Variants in MSRB3 observed in about 807,000 individuals in gnomAD.
MSRB3 encodes the protein methionine sulfoxide reductase B3, also known as methionine-R-sulfoxide reductase B3.
Under a neutral mutation model 21.0 loss-of-function variants are expected in MSRB3, and 13 were observed. The observed-to-expected ratio is 0.62, with a 90% confidence interval of 0.40 to 0.98. The LOEUF (loss-of-function observed/expected upper bound fraction) is 0.98, where lower values mean the gene tolerates loss of function less well. Among genes scored for constraint, MSRB3 ranks in the 50% least tolerant of loss-of-function variants. The pLI is 0.00. For synonymous variants in MSRB3, 87 were observed against 88.6 expected (o/e 0.98, Z 0.10); for missense variants, 199 against 230.3 (o/e 0.86, Z 0.88).
chr12:65,321,461 C>G (rs578181656), intron 2 of MSRB3, among the ~76,000 whole-genome samples: 1 of 152,160 alleles, frequency 6.6e-6, no homozygotes, highest in South Asian at 2.1e-4. Flanking sequence ...TTGTGGAAAC[C>G]AGAGGACTGA....
intron 5 of MSRB3, among the ~76,000 whole-genome samples, chr12:65,450,659 G>A (rs1286077686): frequency 6.6e-6 from 1 of 152,142 alleles, no homozygotes; most frequent in Non-Finnish European, 1.5e-5. Flanking sequence ...GAGGATGGAT[G>A]ATCTTTCTTT....
At chr12:65,375,870 G>T (rs1878584111) in intron 5 of MSRB3, among the ~76,000 whole-genome samples, 1 of 150,268 alleles carries the variant, frequency 6.7e-6, no homozygotes. Flanking sequence ...TTATTGTTTG[G>T]TAGTCAAAGA....
At chr12:65,348,737 T>A (rs1876710649) in intron 4 of MSRB3, among the ~76,000 whole-genome samples, 1 of 152,190 alleles carries the variant, frequency 6.6e-6, no homozygotes, top group African/African-American at 2.4e-5. Flanking sequence ...GCTATAAATT[T>A]CCCCCTACAC....
intron 1 of MSRB3, among the ~76,000 whole-genome samples, chr12:65,292,951 T>A (rs924777330): frequency 1.3e-5 from 2 of 152,076 alleles, no homozygotes; most frequent in East Asian, 3.9e-4. Flanking sequence ...ATAAATAAGA[T>A]TGTCTAAGAA....
chr12:65,431,852 C>T (rs1881893422), intron 5 of MSRB3, among the ~76,000 whole-genome samples: 1 of 152,030 alleles, frequency 6.6e-6, no homozygotes, highest in Non-Finnish European at 1.5e-5. Flanking sequence ...GCTGAGTATG[C>T]ACAGAAGAGA....
At chr12:65,348,756 C>T (rs932677196) in intron 4 of MSRB3, among the ~76,000 whole-genome samples, 12 of 152,042 alleles carry the variant, frequency 7.9e-5, no homozygotes, top group East Asian at 5.8e-4. Flanking sequence ...ACACGGCTTT[C>T]GATGTGTCCC....
intron 5 of MSRB3, among the ~76,000 whole-genome samples, chr12:65,376,137 T>C (rs75353700): frequency 6.6e-6 from 1 of 150,812 alleles, no homozygotes; most frequent in African/African-American, 2.4e-5. Context: ...TTTTTTTTTT[T>C]GAGACGGAGT....
intron 5 of MSRB3, among the ~76,000 whole-genome samples, chr12:65,402,502 T>C (rs1880186549): frequency 6.6e-6 from 1 of 152,208 alleles, no homozygotes; most frequent in African/African-American, 2.4e-5. Context: ...TTATTCTAGT[T>C]AGCATTTCCT....
chr12:65,321,827 A>G (rs1174695480), intron 2 of MSRB3, among the ~76,000 whole-genome samples: 1 of 152,192 alleles, frequency 6.6e-6, no homozygotes, highest in Admixed American at 6.5e-5. Context: ...TTTACAGTGA[A>G]AAATAAAGTA....
intron 5 of MSRB3, among the ~76,000 whole-genome samples, chr12:65,396,704 A>AAAAAGAAAGAAAG (rs1383726558): frequency 2.4e-4 from 13 of 54,142 alleles, no homozygotes; most frequent in African/African-American, 8.7e-4. Context: ...AAAAAAAAAA[A>AAAAAGAAAGAAAG]AAAGAAAGAA....
chr12:65,333,975 A>G (rs1875598215), intron 4 of MSRB3, among the ~76,000 whole-genome samples: 1 of 152,236 alleles, frequency 6.6e-6, no homozygotes, highest in Admixed American at 6.5e-5. Context: ...ACAGTGCACA[A>G]GATAGATTCT....
chr12:65,415,662 T>C (rs1880931547), intron 5 of MSRB3, among the ~76,000 whole-genome samples: 1 of 152,182 alleles, frequency 6.6e-6, no homozygotes, highest in South Asian at 2.1e-4. Flanking sequence ...GGAATAAGCA[T>C]TTGTTGAACT....
chr12:65,314,060 A>T (rs1874148818), intron 2 of MSRB3, among the ~76,000 whole-genome samples: 1 of 152,190 alleles, frequency 6.6e-6, no homozygotes, highest in Admixed American at 6.5e-5. Context: ...TTATGTTCAA[A>T]CAATATTTGT....
At chr12:65,365,996 C>T (rs1020164838) in intron 4 of MSRB3, among the ~76,000 whole-genome samples, 4 of 152,012 alleles carry the variant, frequency 2.6e-5, no homozygotes, top group African/African-American at 9.7e-5. Flanking sequence ...TTCATTTCTG[C>T]CAGAGGCTCT....
intron 4 of MSRB3, among the ~76,000 whole-genome samples, chr12:65,347,909 C>G (rs910741671): frequency 2.6e-5 from 4 of 152,178 alleles, no homozygotes; most frequent in African/African-American, 9.7e-5. Context: ...GTATGTTGAA[C>G]CAGCCTTGTA....
intron 4 of MSRB3, among the ~76,000 whole-genome samples, chr12:65,350,499 G>A (rs995750365): frequency 6.6e-6 from 1 of 151,336 alleles, no homozygotes; most frequent in Non-Finnish European, 1.5e-5. Flanking sequence ...ATGCTCCAAT[G>A]AAAAGACACA....
chr12:65,289,134 T>C (rs1447023439), intron 1 of MSRB3, among the ~76,000 whole-genome samples: 1 of 152,238 alleles, frequency 6.6e-6, no homozygotes, highest in Non-Finnish European at 1.5e-5. Flanking sequence ...TTGCTTTCTT[T>C]ATAGTTTTAT....
intron 4 of MSRB3, among the ~76,000 whole-genome samples, chr12:65,356,293 A>G (rs1877380238): frequency 6.6e-6 from 1 of 151,928 alleles, no homozygotes; most frequent in Non-Finnish European, 1.5e-5. Flanking sequence ...TAATAAGTTC[A>G]CCAAGAAAGT....
At chr12:65,355,690 A>T (rs959205391) in intron 4 of MSRB3, among the ~76,000 whole-genome samples, 2 of 151,912 alleles carry the variant, frequency 1.3e-5, no homozygotes, top group African/African-American at 4.8e-5. Flanking sequence ...CATAGTCTGC[A>T]TAAGCATAAA....
Sources: allele counts gnomAD v4.1 joint callset (sites outside exome capture counted in the v4.1 genomes callset), GRCh38; gene constraint gnomAD v4.1.1; transcripts MANE v1.5; gene names NCBI Gene and HGNC (gene_info 2026-07-23, HGNC 2026-07-21).